Variants in OR2A12 observed in about 807,000 individuals in gnomAD.
OR2A12 encodes the protein olfactory receptor family 2 subfamily A member 12.
For synonymous variants in OR2A12, 153 were observed against 149.3 expected, an observed-to-expected ratio of 1.02 and a Z score of -0.18; for missense variants, 380 against 372.5, an observed-to-expected ratio of 1.02 and a Z score of -0.17.
chr7:144,091,359 C>A (rs1056213791), intron 1 of OR2A12, among the ~76,000 whole-genome samples: 1 of 151,940 alleles, frequency 6.6e-6, no homozygotes, highest in African/African-American at 2.4e-5. Context: ...CCATTGCACT[C>A]CAGTCTGGGC....
Position 144,089,658 on chromosome 7 carries a change from T to C in OR2A12, c.-52+3115T>C, listed in dbSNP as rs920708917. Among the ~76,000 whole-genome samples, 3 of 152,184 alleles carry C rather than the reference T, an allele frequency of 2.0e-5. No individual in the cohort carries two copies. The East Asian group carries it at 5.8e-4, about 29-fold the overall frequency. ...AATTTTGGAAACCACATATTTTGTT[T>C]ATTTTTTATGATTCTCACTAATTGC... On this transcript the variant is annotated intron_variant, in intron 1 of 1. Coordinates refer to ENST00000641592, the MANE Select transcript of OR2A12 (RefSeq NM_001004135.2).
In OR2A12 at chr7:144,096,071, G is replaced by A. The variant is rs1032917334; in HGVS notation, c.*31G>A. ...CATTTGAGATATCCTGAGTGTGTAA[G>A]CATGGTTCTCATGACCCTGGGTCCT... On this transcript the variant is annotated 3_prime_UTR_variant, in exon 2 of 2. Coordinates refer to ENST00000641592, the MANE Select transcript of OR2A12 (RefSeq NM_001004135.2). The A allele has an allele frequency of 2.0e-6, 3 of 1,476,728 alleles. No homozygotes were observed. The highest frequency in any genetic ancestry group is 1.3e-5 in the South Asian group (1 of 77,230). The allele number at this position is 1,476,728 out of a possible 1,614,324, so 91.5% of individuals were successfully genotyped here.
chr7:144,095,814 C>T lies in OR2A12; in HGVS notation c.707C>T (p.Ala236Val). 1 of 1,614,104 alleles carries T rather than the reference C, an allele frequency of 6.2e-7. No individual in the cohort carries two copies. The highest frequency in any genetic ancestry group is 8.5e-7 in the Non-Finnish European group (1 of 1,180,022). Reference sequence around the variant, plus strand: ...CAGTCTGGGGAGGGCCGCAGAAAGGCCTTCTCTACCTGCTCCTCCCACCTC... The same window carrying T: ...CAGTCTGGGGAGGGCCGCAGAAAGGTCTTCTCTACCTGCTCCTCCCACCTC... The part of the protein sequence containing the change: ...RIQSGEGRRK[A>V]FSTCSSHLCV... The change falls in exon 2 of 2, where the codon GCC becomes GTC. Residue 236 changes from alanine (A) to valine (V), a missense_variant. By Grantham distance (64) the Ala-to-Val change is moderately conservative. Transcript: ENST00000641592.
Position 144,095,953 on chromosome 7 carries a change from G to T in OR2A12, c.846G>T (p.Pro282=), listed in dbSNP as rs760840733. Residue 282 remains proline (P), a synonymous_variant, in exon 2 of 2, where the codon CCG becomes CCT. Transcript: ENST00000641592. The part of the protein sequence containing the change: ...ILSLFYSLFN[P]ILNPLIYSLR... The stretch of plus-strand genomic sequence containing the variant: ...CCCTGTTTTACAGCCTTTTCAACCC[G>T]ATCCTGAACCCCCTCATCTACAGCC... 2 of 1,613,994 alleles carry T rather than the reference G, an allele frequency of 1.2e-6. No individual in the cohort carries two copies. The highest frequency in any genetic ancestry group is 1.3e-5 in the African/African-American group (1 of 74,966).
Position 144,095,945 on chromosome 7 carries a change from T to C in OR2A12, c.838T>C (p.Phe280Leu), listed in dbSNP as rs1334629499. Residue 280 changes from phenylalanine (F) to leucine (L), a missense_variant, in exon 2 of 2, where the codon TTC becomes CTC. Physicochemically the swap from Phe to Leu is conservative, Grantham distance 22 (BLOSUM62 0). Transcript: ENST00000641592. ...GATCCTTTCCCTGTTTTACAGCCTT[T>C]TCAACCCGATCCTGAACCCCCTCAT... ...RKILSLFYSL[F>L]NPILNPLIYS... The C allele has an allele frequency of 6.2e-7, 1 of 1,613,990 alleles. No homozygotes were observed. Among genetic ancestry groups the C allele is most frequent in the Non-Finnish European group, 8.5e-7 (1 of 1,180,036 alleles).
In OR2A12 at chr7:144,097,000, AC is replaced by A. The variant is rs1442327864; in HGVS notation, c.*961del. The A allele has an allele frequency of 6.6e-6, 1 of 152,096 alleles. No homozygotes were observed. Among genetic ancestry groups the A allele is most frequent in the African/African-American group, 2.4e-5 (1 of 41,388 alleles). 9.4% of individuals were successfully genotyped at this position (152,096 alleles called of 1,614,324 possible). A position where few individuals can be genotyped will look rare whatever the true frequency, so the allele number is the denominator to read the frequency against. ...TAGAGATCCTAACCAATACAGTTAG[AC>A]AAAAAGAACAAATACACCCATGCAT... On this transcript the variant is annotated 3_prime_UTR_variant, in exon 2 of 2. Transcript: ENST00000641592.
chr7:144,087,075 TAA>T (rs930690171), intron 1 of OR2A12, among the ~76,000 whole-genome samples: 2 of 152,176 alleles, frequency 1.3e-5, no homozygotes, highest in Admixed American at 1.3e-4. Context: ...GGAAGAGGCA[TAA>T]GAGTCATATA....
At chr7:144,091,066 G>A (rs879863100) in intron 1 of OR2A12, among the ~76,000 whole-genome samples, 6 of 152,236 alleles carry the variant, frequency 3.9e-5, no homozygotes, top group African/African-American at 7.2e-5. Flanking sequence ...GGATTGCTGA[G>A]TCAAATGGTA....
intron 1 of OR2A12, among the ~76,000 whole-genome samples, chr7:144,093,015 G>A (rs554863679): frequency 5.9e-5 from 9 of 151,898 alleles, no homozygotes; most frequent in Admixed American, 1.3e-4. Context: ...AGTCATCCAC[G>A]AAAATTGTCG....
At chr7:144,093,110 C>A (rs1272981562) in intron 1 of OR2A12, among the ~76,000 whole-genome samples, 1 of 152,090 alleles carries the variant, frequency 6.6e-6, no homozygotes, top group Non-Finnish European at 1.5e-5. Context: ...CTCAGGTCAT[C>A]TTCAGTTATG....
intron 1 of OR2A12, 62 bp from the exon 2 acceptor site, chr7:144,094,995 T>A: frequency 1.4e-6 from 1 of 697,878 alleles, no homozygotes; most frequent in Non-Finnish European, 2.4e-6. Context: ...AAATACTGAT[T>A]TGTGGCCTCT....
At chr7:144,094,445 C>G (rs1305273247) in intron 1 of OR2A12, among the ~76,000 whole-genome samples, 1 of 152,178 alleles carries the variant, frequency 6.6e-6, no homozygotes, top group African/African-American at 2.4e-5. Context: ...TGCCTTAACC[C>G]CATAAAAGCT....
At chr7:144,090,586 A>G (rs2051220790) in intron 1 of OR2A12, among the ~76,000 whole-genome samples, 1 of 152,144 alleles carries the variant, frequency 6.6e-6, no homozygotes, top group South Asian at 2.1e-4. Flanking sequence ...TTACATAGGT[A>G]AATTCATGTC....
intron 1 of OR2A12, among the ~76,000 whole-genome samples, chr7:144,093,654 T>C (rs1412701003): frequency 8.3e-6 from 1 of 120,134 alleles, no homozygotes; most frequent in African/African-American, 3.2e-5. Flanking sequence ...CAGGCCCCAG[T>C]GTGTGATGTT....
rs2051276064 is a variant in OR2A12, at chr7:144,097,602, A to G, written c.*1562A>G. On this transcript the variant is annotated 3_prime_UTR_variant, in exon 2 of 2. Coordinates refer to ENST00000641592, the MANE Select transcript of OR2A12 (RefSeq NM_001004135.2). Reference sequence around the variant, plus strand: ...AGGATTTGATCCTTCAGATATCAAAACACACTATATAGTGCTAATAAACAG... The same window carrying G: ...AGGATTTGATCCTTCAGATATCAAAGCACACTATATAGTGCTAATAAACAG... The G allele has an allele frequency of 6.6e-6, 1 of 152,192 alleles. No individual in the cohort carries two copies. Among genetic ancestry groups the G allele is most frequent in the African/African-American group, 2.4e-5 (1 of 41,442 alleles). The allele number at this position is 152,192 out of a possible 1,614,324, so 9.4% of individuals were successfully genotyped here. A position where few individuals can be genotyped will look rare whatever the true frequency, so the allele number is the denominator to read the frequency against.
chr7:144,096,133 A>G lies in OR2A12; in HGVS notation c.*93A>G. On this transcript the variant is annotated 3_prime_UTR_variant, in exon 2 of 2. Coordinates refer to ENST00000641592, the MANE Select transcript of OR2A12 (RefSeq NM_001004135.2). Reference sequence around the variant, plus strand: ...TTTAATTCTTTAATTTACCACACCCAATACTGTTTATCTTTAGACTTCTTA... The same window carrying G: ...TTTAATTCTTTAATTTACCACACCCGATACTGTTTATCTTTAGACTTCTTA... The G allele has an allele frequency of 1.1e-6, 1 of 907,098 alleles. No individual in the cohort carries two copies. The highest frequency in any genetic ancestry group is 1.7e-6 in the Non-Finnish European group (1 of 582,534). 56.2% of individuals were successfully genotyped at this position (907,098 alleles called of 1,614,324 possible). A position where few individuals can be genotyped will look rare whatever the true frequency, so the allele number is the denominator to read the frequency against.
rs1563042677 is a variant in OR2A12 at position 144,095,406 on chromosome 7, C to G, written c.299C>G (p.Thr100Ser). Residue 100 changes from threonine to serine, a missense_variant, in exon 2 of 2, where the codon ACT becomes AGT. Physicochemically the swap from Thr to Ser is moderately conservative, Grantham distance 58. Transcript: ENST00000641592. Reference protein sequence around the residue: ...VISFAPCILQTFLYLAFAITE... With the variant: ...VISFAPCILQSFLYLAFAITE... ...TCCTTTGCTCCTTGCATACTTCAGA[C>G]TTTTTTGTATTTGGCGTTTGCTATT... 6.2e-7 allele frequency: 1 copy of G among 1,614,040 alleles called. No individual in the cohort carries two copies. Among genetic ancestry groups the G allele is most frequent in the Non-Finnish European group, 8.5e-7 (1 of 1,179,940 alleles).
chr7:144,094,884 G>A (rs6464577), intron 1 of OR2A12, among the ~76,000 whole-genome samples, 173 bp from the exon 2 acceptor site: 32,411 of 151,870 alleles, frequency 0.21, 4,084 homozygotes, highest in African/African-American at 0.34. Context: ...TCATGAAATC[G>A]CCTAGTTTTT....
In OR2A12 at chr7:144,095,487, AC is replaced by A. The variant is rs1196273161; in HGVS notation, c.384del (p.Leu129CysfsTer7). 3 of 1,613,678 alleles carry A rather than the reference AC, an allele frequency of 1.9e-6. No individual in the cohort carries two copies. In the Admixed American group the frequency reaches 5.0e-5, roughly 27 times the overall value. Reference protein sequence around the residue: ...MCYDRYVAICHPLQYTLIMNW... With the variant: ...MCYDRYVAICXPLQYTLIMNW... ...TATGATCGGTATGTGGCAATCTGTC[AC>A]CCCTTGCAATACACCCTCATTATGA... On this transcript the variant is annotated frameshift_variant, in exon 2 of 2. Coordinates refer to ENST00000641592, the MANE Select transcript of OR2A12 (RefSeq NM_001004135.2). LOFTEE classifies it low-confidence loss of function (END_TRUNC).
Sources: gnomAD v4.1 joint callset for allele counts (sites outside exome capture counted in the v4.1 genomes callset) on GRCh38, gnomAD v4.1.1 for gene constraint, MANE v1.5 for transcripts, NCBI Gene and HGNC (gene_info 2026-07-23, HGNC 2026-07-21) for gene names.